Variants in AGMO observed in about 807,000 individuals in gnomAD.
The protein encoded by AGMO is glyceryl-ether monooxygenase.
Under a neutral mutation model 60.2 loss-of-function variants are expected in AGMO, and 75 were observed. The ratio of observed to expected loss-of-function variants is 1.25; its 90% CI spans 1.03 to 1.51. The LOEUF (loss-of-function observed/expected upper bound fraction) is 1.51. Ranked by LOEUF, AGMO falls within the 40% of genes most tolerant of loss-of-function variation. The pLI is 0.00. For synonymous variants in AGMO, 261 were observed against 177.1 expected, an observed-to-expected ratio of 1.47 and a Z score of -3.76; for missense variants, 763 against 525.5, an observed-to-expected ratio of 1.45 and a Z score of -4.42.
At chr7:15,255,654 G>T (rs1389456139) in intron 12 of AGMO, among the ~76,000 whole-genome samples, 1 of 151,776 alleles carries the variant, frequency 6.6e-6, no homozygotes, top group Non-Finnish European at 1.5e-5. Flanking sequence ...ACATTAAAAA[G>T]ATCTTCATAA....
At chr7:15,157,561 G>C in the AGMO span, among the ~76,000 whole-genome samples, 1 of 152,104 alleles carries the variant, frequency 6.6e-6, no homozygotes, top group African/African-American at 2.4e-5. Flanking sequence ...AGTGAACCCC[G>C]ATCCCACACT....
intron 3 of AGMO, among the ~76,000 whole-genome samples, chr7:15,531,912 G>T (rs1208743247): frequency 6.6e-6 from 1 of 151,762 alleles, no homozygotes; most frequent in Non-Finnish European, 1.5e-5. Context: ...CAAGTGATCT[G>T]CCTGCCTTGG....
chr7:15,535,549 G>C (rs989198831), intron 3 of AGMO, among the ~76,000 whole-genome samples: 3 of 151,880 alleles, frequency 2.0e-5, no homozygotes. Flanking sequence ...TCCACAGCAT[G>C]CCTCACTACC....
intron 10 of AGMO, among the ~76,000 whole-genome samples, chr7:15,383,655 ATTATT>A (rs779320929): frequency 3.4e-4 from 52 of 152,042 alleles, no homozygotes; most frequent in Non-Finnish European, 6.8e-4. Flanking sequence ...TTCAGCATAT[ATTATT>A]TATTAATTTC....
the AGMO span, among the ~76,000 whole-genome samples, chr7:15,137,223 G>C: frequency 2.0e-5 from 3 of 152,142 alleles, no homozygotes; most frequent in Non-Finnish European, 4.4e-5. Flanking sequence ...TCTCTAGAAA[G>C]CTTTGCATAT....
At chr7:15,264,069 A>C (rs1254860371) in intron 12 of AGMO, among the ~76,000 whole-genome samples, 1 of 151,960 alleles carries the variant, frequency 6.6e-6, no homozygotes, top group African/African-American at 2.4e-5. Context: ...TGAAATAAAA[A>C]ATGAAAAATT....
intron 12 of AGMO, among the ~76,000 whole-genome samples, chr7:15,215,863 A>G: frequency 6.6e-6 from 1 of 152,198 alleles, no homozygotes; most frequent in East Asian, 1.9e-4. Context: ...CTCTAGAGAC[A>G]GGATTTTTTA....
At chr7:15,447,955 T>C (rs1165637985) in intron 3 of AGMO, among the ~76,000 whole-genome samples, 2 of 152,326 alleles carry the variant, frequency 1.3e-5, no homozygotes, top group East Asian at 1.9e-4. Context: ...GGGGTTTTGT[T>C]TCTTATAGAT....
intron 12 of AGMO, among the ~76,000 whole-genome samples, chr7:15,288,864 A>T (rs28468409): frequency 0.8 from 119,679 of 149,362 alleles, 48,448 homozygotes; most frequent in African/African-American, 0.93. Flanking sequence ...AAAAAAAAAA[A>T]ATATATATAC....
In AGMO at chr7:15,272,319, C is replaced by A. The variant is rs116274689; in HGVS notation, c.1264-70960G>T. On this transcript the variant is annotated intron_variant, in intron 12 of 12. Coordinates refer to ENST00000342526, the MANE Select transcript of AGMO (RefSeq NM_001004320.2). ...GACAGTCCCAGGTGTGTGACACTCC[C>A]CTTCCCGTGTCCAAGTGTTCTCGTT... Among the ~76,000 whole-genome samples the A allele has an allele frequency of 6.3e-3, 894 of 142,184 alleles. 10 individuals are homozygous for A. Among genetic ancestry groups the A allele is most frequent in the African/African-American group, 0.022 (855 of 38,246 alleles). The allele number at this position is 142,184 out of a possible 152,430, so 93.3% of individuals were successfully genotyped here. A position where few individuals can be genotyped will look rare whatever the true frequency, so the allele number is the denominator to read the frequency against.
intron 12 of AGMO, among the ~76,000 whole-genome samples, chr7:15,335,977 C>A (rs557826468): frequency 6.6e-6 from 1 of 152,110 alleles, no homozygotes; most frequent in South Asian, 2.1e-4. Flanking sequence ...ATGAGAAACA[C>A]ATCATAGTAA....
intron 12 of AGMO, among the ~76,000 whole-genome samples, chr7:15,237,710 A>G (rs899488186): frequency 6.6e-6 from 1 of 152,136 alleles, no homozygotes; most frequent in Admixed American, 6.6e-5. Context: ...ACACAAATAC[A>G]CAAATACTGA....
chr7:15,164,611 G>C, the AGMO span, among the ~76,000 whole-genome samples: 1 of 151,640 alleles, frequency 6.6e-6, no homozygotes, highest in Non-Finnish European at 1.5e-5. Context: ...GCCAACAAAC[G>C]TATGAAAAAA....
At chr7:15,339,275 T>C (rs1463159520) in intron 12 of AGMO, among the ~76,000 whole-genome samples, 3 of 152,172 alleles carry the variant, frequency 2.0e-5, no homozygotes, top group Non-Finnish European at 4.4e-5. Context: ...AGCCCTGACA[T>C]GGAAGACAAA....
the AGMO span, among the ~76,000 whole-genome samples, chr7:15,121,451 G>A: frequency 6.4e-4 from 97 of 152,238 alleles, no homozygotes; most frequent in Middle Eastern, 3.4e-3. Flanking sequence ...GTGTAAAAGC[G>A]TTCCTATTTC....
chr7:15,472,599 C>G (rs1782477761), intron 3 of AGMO, among the ~76,000 whole-genome samples: 2 of 151,980 alleles, frequency 1.3e-5, no homozygotes, highest in Middle Eastern at 3.4e-3. Context: ...GCTGTAAAAT[C>G]ACAGAAAGAA....
At chr7:15,338,049 ATTACTT>A (rs1781719504) in intron 12 of AGMO, among the ~76,000 whole-genome samples, 1 of 152,212 alleles carries the variant, frequency 6.6e-6, no homozygotes, top group Non-Finnish European at 1.5e-5. Context: ...TGTTTTATAA[ATTACTT>A]TTAGAGTATG....
At chr7:15,259,477 A>G (rs1783204163) in intron 12 of AGMO, among the ~76,000 whole-genome samples, 1 of 152,172 alleles carries the variant, frequency 6.6e-6, no homozygotes, top group Non-Finnish European at 1.5e-5. Context: ...AGTTTGGAAA[A>G]CATATTTGAG....
At position 15,365,380 on chromosome 7, in the gene AGMO, T is replaced by TTAAAAAAAAAAAAAAAAAAAAA. The variant is rs1311387207; in HGVS notation, c.1263+133_1263+134insTTTTTTTTTTTTTTTTTTTTTA. On this transcript the variant is annotated intron_variant, in intron 12 of 12. Transcript: ENST00000342526. ...GACACAACTAACAAGTACTGGTAAG[T>TTAAAAAAAAAAAAAAAAAAAAA]AAAAAAAAAAAAAAAGATCAAGATT... 7 of 210,480 alleles carry TTAAAAAAAAAAAAAAAAAAAAA rather than the reference T, an allele frequency of 3.3e-5. No homozygotes were observed. In the African/African-American group the frequency reaches 4.1e-4, roughly 12 times the overall value. The allele number at this position is 210,480 out of a possible 1,614,324, so 13.0% of individuals were successfully genotyped here. A position where few individuals can be genotyped will look rare whatever the true frequency, so the allele number is the denominator to read the frequency against.
Sources: gnomAD v4.1 joint callset for allele counts (sites outside exome capture counted in the v4.1 genomes callset) on GRCh38, gnomAD v4.1.1 for gene constraint, MANE v1.5 for transcripts, NCBI Gene and HGNC (gene_info 2026-07-23, HGNC 2026-07-21) for gene names.